ADGRL2: variants seen among roughly 807,000 people sequenced by gnomAD.
ADGRL2 encodes calcium-independent alpha-latrotoxin receptor 2.
A neutral mutation model predicts 157.4 loss-of-function variants in ADGRL2; 44 were observed. That is an observed-to-expected ratio of 0.28 (90% confidence interval 0.22 to 0.36). The LOEUF is 0.36. Ranked by LOEUF, ADGRL2 falls within the 10% of genes least tolerant of loss-of-function variation. The pLI is 1.00. For synonymous variants in ADGRL2, 585 were observed against 624.7 expected (o/e 0.94, Z 0.95); for missense variants, 1,510 against 1,768.9 (o/e 0.85, Z 2.63).
At chr1:81,865,509 T>G (rs2093515523) in intron 2 of ADGRL2, among the ~76,000 whole-genome samples, 1 of 152,226 alleles carries the variant, frequency 6.6e-6, no homozygotes, top group South Asian at 2.1e-4. Context: ...AGCCTACCTA[T>G]TCTAGAAAGA....
At chr1:81,936,577 A>T in intron 3 of ADGRL2, 151 bp from the exon 4 acceptor site, 1 of 467,442 alleles carries the variant, frequency 2.1e-6, no homozygotes, top group Non-Finnish European at 3.8e-6. Context: ...CTTATAAAAT[A>T]TTTAATAATG....
intron 3 of ADGRL2, among the ~76,000 whole-genome samples, chr1:81,924,523 T>C (rs948067973): frequency 6.6e-6 from 1 of 152,106 alleles, no homozygotes; most frequent in African/African-American, 2.4e-5. Context: ...CGTAGAGAGA[T>C]GTTTAGGAGA....
At chr1:81,892,547 A>G (rs1571953784) in intron 2 of ADGRL2, among the ~76,000 whole-genome samples, 1 of 152,240 alleles carries the variant, frequency 6.6e-6, no homozygotes. Flanking sequence ...ATATCAAAAC[A>G]TTCATTGACA....
chr1:81,306,469 T>G (rs937351704), exon 1 of ADGRL2: 2 of 152,190 alleles, frequency 1.3e-5, no homozygotes, highest in Non-Finnish European at 2.9e-5. Flanking sequence ...TACAACTTTT[T>G]TTTTTTTATA....
intron 1 of ADGRL2, among the ~76,000 whole-genome samples, chr1:81,746,750 C>A (rs927175290): frequency 2.0e-5 from 3 of 151,488 alleles, no homozygotes; most frequent in Admixed American, 2.0e-4. Context: ...TTATTGGATT[C>A]TTTTTAAAAT....
intron 1 of ADGRL2, chr1:81,723,123 C>T: frequency 1.5e-6 from 1 of 659,978 alleles, no homozygotes; most frequent in Non-Finnish European, 2.7e-6. Flanking sequence ...CCTAGATTAC[C>T]TTATGGATGT....
chr1:81,559,587 T>A (rs2148443669), intron 2 of ADGRL2, among the ~76,000 whole-genome samples: 1 of 152,308 alleles, frequency 6.6e-6, no homozygotes, highest in Middle Eastern at 3.4e-3. Context: ...ATAACTTTAG[T>A]GTCTTATTAT....
At chr1:81,861,614 C>G (rs2093390740) in intron 2 of ADGRL2, among the ~76,000 whole-genome samples, 1 of 152,172 alleles carries the variant, frequency 6.6e-6, no homozygotes, top group Non-Finnish European at 1.5e-5. Context: ...ATGGGCCATG[C>G]ACAGTGGCTC....
intron 1 of ADGRL2, among the ~76,000 whole-genome samples, chr1:81,309,755 G>GACT (rs1659609283): frequency 6.6e-6 from 1 of 152,042 alleles, no homozygotes; most frequent in Non-Finnish European, 1.5e-5. Context: ...ATCTGTAATT[G>GACT]ACTGACTTGT....
At chr1:81,407,236 G>C (rs1028682787) in intron 1 of ADGRL2, among the ~76,000 whole-genome samples, 1 of 152,166 alleles carries the variant, frequency 6.6e-6, no homozygotes, top group Non-Finnish European at 1.5e-5. Flanking sequence ...GCAAGGATCT[G>C]GTTTGACTTT....
At chr1:81,644,992 T>C (rs1303299887) in intron 3 of ADGRL2, among the ~76,000 whole-genome samples, 1 of 152,204 alleles carries the variant, frequency 6.6e-6, no homozygotes, top group African/African-American at 2.4e-5. Flanking sequence ...CATTGATTGG[T>C]ATTTAGTTGT....
chr1:81,652,590 CAT>C (rs1429975882), intron 3 of ADGRL2, among the ~76,000 whole-genome samples: 43 of 152,054 alleles, frequency 2.8e-4, no homozygotes, highest in Middle Eastern at 3.4e-3. Context: ...ATATACAAAC[CAT>C]ATGTTAGTGT....
At chr1:81,852,798 G>A (rs553001844) in intron 2 of ADGRL2, among the ~76,000 whole-genome samples, 7 of 151,990 alleles carry the variant, frequency 4.6e-5, no homozygotes, top group Non-Finnish European at 1.0e-4. Flanking sequence ...TCATGGTTTT[G>A]ACAGCTGAGA....
intron 4 of ADGRL2, among the ~76,000 whole-genome samples, chr1:81,937,625 A>G (rs1187758867): frequency 1.3e-5 from 2 of 151,834 alleles, no homozygotes; most frequent in African/African-American, 2.4e-5. Context: ...GTTTGATAGT[A>G]TTGTTGTCTT....
At chr1:81,372,650 T>C (rs2076180573) in intron 1 of ADGRL2, among the ~76,000 whole-genome samples, 1 of 152,228 alleles carries the variant, frequency 6.6e-6, no homozygotes, top group South Asian at 2.1e-4. Flanking sequence ...TCCAAAAACA[T>C]GTTAAAGTAC....
intron 2 of ADGRL2, among the ~76,000 whole-genome samples, chr1:81,871,424 A>T (rs2093691378): frequency 6.6e-6 from 1 of 152,144 alleles, no homozygotes; most frequent in Admixed American, 6.5e-5. Flanking sequence ...TAGCAGCATG[A>T]TTTATAATCC....
chr1:81,528,054 G>A (rs1433785806), intron 2 of ADGRL2, among the ~76,000 whole-genome samples: 1 of 152,174 alleles, frequency 6.6e-6, no homozygotes, highest in Admixed American at 6.5e-5. Context: ...GCCACAGAGC[G>A]AGACTCCGTC....
intron 2 of ADGRL2, among the ~76,000 whole-genome samples, chr1:81,461,143 T>G (rs2077918991): frequency 6.6e-6 from 1 of 152,184 alleles, no homozygotes; most frequent in East Asian, 1.9e-4. Context: ...AACCTTCCAT[T>G]GTTTTCTCTG....
At chr1:81,353,692 C>A (rs771865305) in intron 1 of ADGRL2, among the ~76,000 whole-genome samples, 5 of 152,072 alleles carry the variant, frequency 3.3e-5, no homozygotes, top group Admixed American at 6.5e-5. Flanking sequence ...CATTGAAGAG[C>A]AATGTCTTCA....
Sources: gnomAD v4.1 joint callset for allele counts (sites outside exome capture counted in the v4.1 genomes callset) on GRCh38, gnomAD v4.1.1 for gene constraint, MANE v1.5 for transcripts, NCBI Gene and HGNC (gene_info 2026-07-23, HGNC 2026-07-21) for gene names.